The following EYS variants were observed in gnomAD, a reference collection of about 807,000 sequenced individuals.
EYS encodes the protein EGF-like photoreceptor maintenance factor, also known as protein eyes shut homolog.
EYS carries 250 observed loss-of-function variants against 282.1 expected under a neutral mutation model. The ratio of observed to expected loss-of-function variants is 0.89; its 90% confidence interval spans 0.80 to 0.98. EYS has a LOEUF of 0.98. EYS is among the 50% of genes least tolerant of loss of function. The pLI is 0.00. For synonymous variants in EYS, 1,355 were observed against 1,282.9 expected (o/e 1.06, Z -1.20); for missense variants, 4,016 against 3,709.0 (o/e 1.08, Z -2.15).
chr6:65,442,788 A>C (rs1768391510), intron 5 of EYS, among the ~76,000 whole-genome samples: 1 of 149,060 alleles, frequency 6.7e-6, no homozygotes, highest in Admixed American at 6.8e-5. Context: ...AATTAAAAAA[A>C]AATATATAGA....
chr6:64,170,135 C>A (rs1474710337), intron 31 of EYS, among the ~76,000 whole-genome samples: 1 of 152,106 alleles, frequency 6.6e-6, no homozygotes, highest in Non-Finnish European at 1.5e-5. Context: ...CTGCATTAAA[C>A]TTCACTAGGT....
At chr6:64,624,206 A>G (rs890808834) in intron 23 of EYS, among the ~76,000 whole-genome samples, 9 of 152,160 alleles carry the variant, frequency 5.9e-5, no homozygotes, top group Admixed American at 5.9e-4. Flanking sequence ...ACAATTCAAC[A>G]GCTTAAAAAT....
Position 63,776,836 on chromosome 6 carries a change from T to A in EYS, c.7898+1170A>T, listed in dbSNP as rs1306392030. Among the ~76,000 whole-genome samples, 3 of 152,058 alleles carry A rather than the reference T, an allele frequency of 2.0e-5. No homozygotes were observed. In the East Asian group the frequency reaches 5.8e-4, roughly 29 times the overall value. Reference sequence around the variant, plus strand: ...CAACTTTCTAGATCCCTGTTTATTATCACATAAAAAAACCCCCAAAATACT... The same window carrying A: ...CAACTTTCTAGATCCCTGTTTATTAACACATAAAAAAACCCCCAAAATACT... On this transcript the variant is annotated intron_variant, in intron 40 of 42. Transcript: ENST00000503581.
chr6:65,004,823 T>A (rs1298256271), intron 13 of EYS, among the ~76,000 whole-genome samples: 2 of 147,800 alleles, frequency 1.4e-5, no homozygotes, highest in African/African-American at 2.4e-5. Context: ...CATTACAATT[T>A]AAGAAAGAAA....
chr6:64,505,320 G>T (rs1229883281), intron 26 of EYS, among the ~76,000 whole-genome samples: 1 of 151,840 alleles, frequency 6.6e-6, no homozygotes, highest in Non-Finnish European at 1.5e-5. Context: ...CCATTATATT[G>T]ATGTTAACTC....
intron 12 of EYS, among the ~76,000 whole-genome samples, chr6:65,216,612 G>T: frequency 6.6e-6 from 1 of 151,662 alleles, no homozygotes; most frequent in Admixed American, 6.6e-5. Flanking sequence ...AGTACAGAAT[G>T]TTTAACATAT....
chr6:64,420,000 G>A (rs1383680552), intron 28 of EYS, among the ~76,000 whole-genome samples: 1 of 152,224 alleles, frequency 6.6e-6, no homozygotes, highest in Non-Finnish European at 1.5e-5. Context: ...GGTTCTCCAT[G>A]AGGGCTCTGC....
intron 22 of EYS, among the ~76,000 whole-genome samples, chr6:64,764,699 A>G (rs1773268155): frequency 6.6e-6 from 1 of 152,184 alleles, no homozygotes; most frequent in African/African-American, 2.4e-5. Flanking sequence ...GTCAGGCTGC[A>G]CATTTTCCAA....
intron 22 of EYS, among the ~76,000 whole-genome samples, chr6:64,695,027 A>C (rs1770526152): frequency 6.6e-6 from 1 of 151,952 alleles, no homozygotes; most frequent in African/African-American, 2.4e-5. Context: ...TTGGTTCATC[A>C]GTAGTTGCTG....
At chr6:63,862,732 T>A (rs1393381420) in intron 36 of EYS, among the ~76,000 whole-genome samples, 3 of 152,348 alleles carry the variant, frequency 2.0e-5, no homozygotes, top group East Asian at 3.9e-4. Context: ...CTGAAAAGCA[T>A]GAGATTTTTA....
intron 2 of EYS, among the ~76,000 whole-genome samples, chr6:65,600,621 T>G (rs1765583227): frequency 6.6e-6 from 1 of 152,040 alleles, no homozygotes. Context: ...TTCCTGGTAA[T>G]TTACGTGCAT....
chr6:65,512,633 A>T (rs749920226), intron 2 of EYS, among the ~76,000 whole-genome samples: 1 of 152,050 alleles, frequency 6.6e-6, no homozygotes, highest in Non-Finnish European at 1.5e-5. Flanking sequence ...GGATTAAGAA[A>T]CTCACTCAGA....
At chr6:63,895,146 G>A (rs1382841818) in intron 35 of EYS, among the ~76,000 whole-genome samples, 18 of 29,994 alleles carry the variant, frequency 6.0e-4, no homozygotes, top group South Asian at 1.3e-3. Flanking sequence ...ACTTGTGAGC[G>A]ATAAAAAAAA....
At chr6:64,323,558 A>G (rs1770297509) in intron 29 of EYS, among the ~76,000 whole-genome samples, 1 of 152,076 alleles carries the variant, frequency 6.6e-6, no homozygotes, top group African/African-American at 2.4e-5. Flanking sequence ...TTCTTTATAC[A>G]TTTGTGTGAT....
chr6:64,068,431 T>C (rs1771454482), intron 32 of EYS, among the ~76,000 whole-genome samples: 1 of 151,874 alleles, frequency 6.6e-6, no homozygotes, highest in East Asian at 1.9e-4. Flanking sequence ...ATGTAAATTC[T>C]TAATTTTAGT....
At chr6:65,637,702 C>T (rs751658566) in intron 2 of EYS, among the ~76,000 whole-genome samples, 14 of 152,226 alleles carry the variant, frequency 9.2e-5, no homozygotes, top group Non-Finnish European at 2.1e-4. Context: ...AGCCTGGGCA[C>T]TGTTGCAACT....
chr6:65,334,944 T>G (rs372432226), intron 11 of EYS, 36 bp downstream of exon 11: 6 of 1,566,966 alleles, frequency 3.8e-6, no homozygotes, highest in Non-Finnish European at 3.5e-6. Flanking sequence ...AACTTTTTGA[T>G]ATGTGATATT....
chr6:65,414,080 T>A (rs776628286), intron 5 of EYS, among the ~76,000 whole-genome samples: 8 of 152,070 alleles, frequency 5.3e-5, no homozygotes, highest in Non-Finnish European at 1.0e-4. Flanking sequence ...AGATTCTCAA[T>A]AAATATTTGG....
chr6:64,838,754 A>G (rs990663766), intron 19 of EYS, among the ~76,000 whole-genome samples: 1 of 151,976 alleles, frequency 6.6e-6, no homozygotes, highest in Non-Finnish European at 1.5e-5. Flanking sequence ...TTATCTTTCC[A>G]TAAATTTCCT....
Sources: gnomAD v4.1 joint callset for allele counts (sites outside exome capture counted in the v4.1 genomes callset) on GRCh38, gnomAD v4.1.1 for gene constraint, MANE v1.5 for transcripts, NCBI Gene and HGNC (gene_info 2026-07-23, HGNC 2026-07-21) for gene names.